EAF2: variants seen among roughly 807,000 people sequenced by gnomAD.
EAF2 encodes ELL associated factor 2.
In EAF2, 29 loss-of-function variants were observed where a neutral mutation model predicts 29.4. That is an observed-to-expected ratio of 0.99 (90% confidence interval 0.73 to 1.35). EAF2 has a LOEUF of 1.35. Among genes scored for constraint, EAF2 ranks in the 40% most tolerant of loss-of-function variants. EAF2 has a pLI of 0.00. For missense variants in EAF2, 292 were observed against 312.0 expected, an observed-to-expected ratio of 0.94 and a Z score of 0.48; for synonymous variants, 103 against 102.5, an observed-to-expected ratio of 1.00 and a Z score of -0.03.
intron 1 of EAF2, among the ~76,000 whole-genome samples, chr3:121,840,940 G>A (rs1474723422): frequency 2.6e-5 from 4 of 152,066 alleles, no homozygotes; most frequent in Non-Finnish European, 5.9e-5. Flanking sequence ...ACTGCACCCT[G>A]AAATAGCTTC....
At chr3:121,841,930 C>T (rs372770215) in intron 1 of EAF2, among the ~76,000 whole-genome samples, 53 of 152,080 alleles carry the variant, frequency 3.5e-4, no homozygotes, top group Middle Eastern at 3.4e-3. Flanking sequence ...CGCTTGAACC[C>T]GGGAGGCGGA....
At chr3:121,839,016 T>A (rs961200246) in intron 1 of EAF2, among the ~76,000 whole-genome samples, 3 of 152,070 alleles carry the variant, frequency 2.0e-5, no homozygotes, top group African/African-American at 4.8e-5. Flanking sequence ...CAACCCAAAA[T>A]TTTTTTTGTG....
chr3:121,863,632 C>T (rs994682848), intron 4 of EAF2, among the ~76,000 whole-genome samples: 19 of 152,192 alleles, frequency 1.2e-4, no homozygotes, highest in East Asian at 3.9e-4. Flanking sequence ...GGGAATTCCC[C>T]GACCCCTCGC....
At chr3:121,881,060 A>G (rs1323549495) in intron 5 of EAF2, among the ~76,000 whole-genome samples, 1 of 152,152 alleles carries the variant, frequency 6.6e-6, no homozygotes, top group Non-Finnish European at 1.5e-5. Context: ...CCATTCTTAC[A>G]TCTCTGGGAT....
intron 5 of EAF2, among the ~76,000 whole-genome samples, chr3:121,878,799 CTT>C (rs1709145385): frequency 6.6e-6 from 1 of 152,128 alleles, no homozygotes; most frequent in Admixed American, 6.6e-5. Flanking sequence ...TTAATGGACA[CTT>C]TGGTTGATTC....
In EAF2 at chr3:121,854,315, CA is replaced by C. The variant is rs34965578; in HGVS notation, c.202-353del. On this transcript the variant is annotated intron_variant, in intron 2 of 5. Coordinates refer to ENST00000273668, the MANE Select transcript of EAF2 (RefSeq NM_018456.6). ...CGGGCAACAGAGCAAGACTCTGTCT[CA>C]AAAAAAAAAAAAAAAAAAGGAGGAA... is the stretch of plus-strand genomic sequence containing the variant. Among the ~76,000 whole-genome samples, 52 of 104,394 alleles carry C rather than the reference CA, an allele frequency of 5.0e-4. 1 individual carries two copies. The highest frequency in any genetic ancestry group is 5.7e-4 in the Admixed American group (5 of 8,792). The allele number at this position is 104,394 out of a possible 152,430, so 68.5% of individuals were successfully genotyped here. A position where few individuals can be genotyped will look rare whatever the true frequency, so the allele number is the denominator to read the frequency against.
intron 2 of EAF2, among the ~76,000 whole-genome samples, chr3:121,853,893 A>T (rs1383311329): frequency 1.3e-5 from 2 of 152,188 alleles, no homozygotes; most frequent in Non-Finnish European, 2.9e-5. Flanking sequence ...ATGTCTGCTT[A>T]TCTTACTTTT....
At chr3:121,882,730 C>T (rs9878616) in intron 5 of EAF2, among the ~76,000 whole-genome samples, 5,909 of 149,942 alleles carry the variant, frequency 0.039, 382 homozygotes, top group African/African-American at 0.14. Flanking sequence ...AAGATATATG[C>T]GAAAGTAAAG....
chr3:121,842,373 G>C (rs976291982), intron 1 of EAF2, among the ~76,000 whole-genome samples: 3 of 152,112 alleles, frequency 2.0e-5, no homozygotes, highest in African/African-American at 7.2e-5. Flanking sequence ...GTATTTGATA[G>C]CCCAAACTAA....
At chr3:121,876,150 C>T (rs1709091066) in intron 5 of EAF2, among the ~76,000 whole-genome samples, 1 of 151,752 alleles carries the variant, frequency 6.6e-6, no homozygotes, top group Admixed American at 6.6e-5. Context: ...GATGAAATAA[C>T]CTTAAAAACT....
At chr3:121,861,782 T>C (rs1237257722) in intron 4 of EAF2, among the ~76,000 whole-genome samples, 1 of 152,214 alleles carries the variant, frequency 6.6e-6, no homozygotes, top group Non-Finnish European at 1.5e-5. Flanking sequence ...TCTTTACAAT[T>C]TGGCATGTTT....
intron 4 of EAF2, among the ~76,000 whole-genome samples, chr3:121,859,510 A>C (rs1316595410): frequency 1.3e-5 from 2 of 152,120 alleles, no homozygotes; most frequent in African/African-American, 4.8e-5. Flanking sequence ...TGATTTTTGC[A>C]CATTGATTTT....
At chr3:121,854,929 G>A (rs1168856966) in intron 3 of EAF2, 106 bp downstream of exon 3, 1 of 1,107,548 alleles carries the variant, frequency 9.0e-7, no homozygotes, top group Non-Finnish European at 1.2e-6. Context: ...ATTTCTGTGT[G>A]GTACAAAAAT....
At chr3:121,858,786 C>T (rs9882543) in intron 4 of EAF2, among the ~76,000 whole-genome samples, 5,331 of 151,988 alleles carry the variant, frequency 0.035, 321 homozygotes, top group African/African-American at 0.12. Flanking sequence ...TTTCTTCTAG[C>T]GTTTTTATGG....
chr3:121,876,525 T>A (rs1293636993), intron 5 of EAF2, among the ~76,000 whole-genome samples: 1 of 151,976 alleles, frequency 6.6e-6, no homozygotes, highest in Non-Finnish European at 1.5e-5. Flanking sequence ...AGATAACAAG[T>A]CTGTTTTAGA....
chr3:121,847,426 A>C (rs1708548009), intron 2 of EAF2, among the ~76,000 whole-genome samples: 1 of 152,212 alleles, frequency 6.6e-6, no homozygotes, highest in Non-Finnish European at 1.5e-5. Flanking sequence ...ACAACAACAA[A>C]AGAAAGTTTG....
At chr3:121,839,653 A>C (rs980405632) in intron 1 of EAF2, among the ~76,000 whole-genome samples, 2 of 152,212 alleles carry the variant, frequency 1.3e-5, no homozygotes, top group Admixed American at 1.3e-4. Context: ...TGAAGTAGAG[A>C]TGAATCTGAG....
intron 2 of EAF2, among the ~76,000 whole-genome samples, chr3:121,852,975 T>C (rs145471644): frequency 3.1e-3 from 469 of 152,296 alleles, no homozygotes; most frequent in African/African-American, 0.01. Context: ...TAAGTAGATG[T>C]AGTTTATTAG....
At chr3:121,855,582 C>T (rs1408104424) in intron 3 of EAF2, among the ~76,000 whole-genome samples, 1 of 152,138 alleles carries the variant, frequency 6.6e-6, no homozygotes, top group Non-Finnish European at 1.5e-5. Flanking sequence ...ACCATCCATG[C>T]CCTGCTGTGA....
Sources: allele counts gnomAD v4.1 joint callset (sites outside exome capture counted in the v4.1 genomes callset), GRCh38; gene constraint gnomAD v4.1.1; transcripts MANE v1.5; gene names NCBI Gene and HGNC (gene_info 2026-07-23, HGNC 2026-07-21).